The following SNX32 variants were observed in gnomAD, a reference collection of about 807,000 sequenced individuals.
The protein encoded by SNX32 is sorting nexin-32.
In SNX32, 58 loss-of-function variants were observed where a neutral mutation model predicts 57.0. The ratio of observed to expected loss-of-function variants is 1.02; its 90% CI spans 0.82 to 1.27. The LOEUF (loss-of-function observed/expected upper bound fraction) is 1.27. SNX32 is among the 50% of genes most tolerant of loss of function. The pLI, the probability that SNX32 is intolerant of heterozygous loss-of-function variation, is 0.00. For missense variants in SNX32, 589 were observed against 541.2 expected (o/e 1.09, Z -0.88); for synonymous variants, 262 against 220.4 (o/e 1.19, Z -1.67).
At chr11:65,846,850 G>A (rs1859011426) in intron 1 of SNX32, among the ~76,000 whole-genome samples, 1 of 152,034 alleles carries the variant, frequency 6.6e-6, no homozygotes, top group African/African-American at 2.4e-5. Context: ...GGGCGTGGTG[G>A]CGGGCGCCTG....
At chr11:65,852,106 T>G (rs1859218430) in intron 9 of SNX32, among the ~76,000 whole-genome samples, 1 of 152,160 alleles carries the variant, frequency 6.6e-6, no homozygotes, top group African/African-American at 2.4e-5. Context: ...CTGCCCCTTC[T>G]GGAAGCTCCT....
intron 1 of SNX32, among the ~76,000 whole-genome samples, chr11:65,840,053 G>A (rs1858799114): frequency 6.6e-6 from 1 of 152,040 alleles, no homozygotes; most frequent in Non-Finnish European, 1.5e-5. Flanking sequence ...TACTCAGGAG[G>A]CTGAGGTAGG....
chr11:65,853,214 A>G, intron 12 of SNX32, 68 bp from the exon 13 acceptor site: 1 of 1,604,718 alleles, frequency 6.2e-7, no homozygotes, highest in Non-Finnish European at 8.5e-7. Context: ...GGAGCATCTA[A>G]GGTGCAGAAA....
At position 65,851,160 on chromosome 11, in the gene SNX32, T is replaced by C. The variant is rs781638246; in HGVS notation, c.709T>C (p.Cys237Arg). The C allele has an allele frequency of 3.1e-6, 5 of 1,612,128 alleles. No homozygotes were observed. Among genetic ancestry groups the C allele is most frequent in the South Asian group, 2.2e-5 (2 of 91,080 alleles). ...RADRVMRAHK[C>R]LADDYIPISA... is the part of the protein sequence containing the mutation. ...CGACCGCGTCATGCGCGCCCACAAG[T>C]GTACGCAGGGCCCAAGGGGTCCTGG... is the stretch of plus-strand genomic sequence containing the variant. Residue 237 changes from cysteine to arginine, a missense_variant and splice_region_variant, in exon 7 of 13, where the codon TGC becomes CGC. Coordinates refer to ENST00000308342, the MANE Select transcript of SNX32 (RefSeq NM_152760.3).
intron 1 of SNX32, among the ~76,000 whole-genome samples, chr11:65,846,898 G>T (rs1019079108): frequency 8.6e-4 from 130 of 151,860 alleles, no homozygotes; most frequent in African/African-American, 3.0e-3. Context: ...CAGGAGAATC[G>T]CTGGAACCCG....
At chr11:65,842,949 CAAAAAAA>C (rs922615169) in intron 1 of SNX32, among the ~76,000 whole-genome samples, 12 of 41,244 alleles carry the variant, frequency 2.9e-4, no homozygotes, top group Middle Eastern at 0.019. Context: ...AACTCCATCT[CAAAAAAA>C]AAAAAAAAAA....
At chr11:65,842,192 A>C (rs1232984543) in intron 1 of SNX32, among the ~76,000 whole-genome samples, 1 of 152,242 alleles carries the variant, frequency 6.6e-6, no homozygotes, top group Non-Finnish European at 1.5e-5. Flanking sequence ...CCAATGGAAC[A>C]CAGTAGAGAG....
intron 1 of SNX32, among the ~76,000 whole-genome samples, chr11:65,839,880 CG>C (rs1315211588): frequency 6.6e-6 from 1 of 151,890 alleles, no homozygotes; most frequent in African/African-American, 2.4e-5. Context: ...TAACAAAGGC[CG>C]GGCGCGGTGG....
At chr11:65,849,704 C>A in intron 2 of SNX32, 122 bp downstream of exon 2, 1 of 926,786 alleles carries the variant, frequency 1.1e-6, no homozygotes. Flanking sequence ...GGCACTTGCC[C>A]TCAGCCCCTC....
intron 1 of SNX32, among the ~76,000 whole-genome samples, chr11:65,848,424 G>T (rs1050123860): frequency 1.4e-5 from 2 of 147,800 alleles, no homozygotes; most frequent in Admixed American, 6.8e-5. Flanking sequence ...AAAAAAAAAA[G>T]CTTGGCATGG....
At chr11:65,837,519 C>T (rs1445566003) in intron 1 of SNX32, among the ~76,000 whole-genome samples, 1 of 151,850 alleles carries the variant, frequency 6.6e-6, no homozygotes, top group African/African-American at 2.4e-5. Context: ...GTCTTTAAAA[C>T]AAAACAAAAC....
Position 65,853,391 on chromosome 11 carries a change from C to A in SNX32, c.*56C>A. The A allele has an allele frequency of 6.4e-7, 1 of 1,561,876 alleles. No individual in the cohort carries two copies. Among genetic ancestry groups the A allele is most frequent in the Non-Finnish European group, 8.8e-7 (1 of 1,133,304 alleles). ...GGGATCTCCAGTGACCAGGGTATCC[C>A]AGACCCCTCTCTCCGGCAAGATGTC... On this transcript the variant is annotated 3_prime_UTR_variant, in exon 13 of 13. Transcript: ENST00000308342.
chr11:65,839,216 TTTTTTTGTA>T (rs1279819929), intron 1 of SNX32, among the ~76,000 whole-genome samples: 2 of 18,642 alleles, frequency 1.1e-4, no homozygotes, highest in Non-Finnish European at 1.6e-4. Context: ...GCCCAGCTAA[TTTTTTTGTA>T]TTTTTTTTTT....
intron 1 of SNX32, among the ~76,000 whole-genome samples, chr11:65,845,289 T>C (rs1301622737): frequency 6.7e-5 from 10 of 148,720 alleles, no homozygotes; most frequent in Non-Finnish European, 1.5e-5. Context: ...AAATACAAAA[T>C]TAGCTGGGCG....
chr11:65,850,451 A>G lies in SNX32; in HGVS notation c.395A>G (p.Lys132Arg). ...CGCAGGGAGTACCTGGCCATCTTTAAGAAGACAGTTGCGATGCACGAAGTC... is the reference window on the plus strand; with the variant it reads ...CGCAGGGAGTACCTGGCCATCTTTAGGAAGACAGTTGCGATGCACGAAGTC... ...ELEAEYLAIF[K>R]KTVAMHEVFL... The change falls in exon 5 of 13, where the codon AAG (lysine) becomes AGG (arginine). Residue 132 changes from lysine to arginine, a missense_variant. By Grantham distance (26) the Lys-to-Arg change is conservative. Coordinates refer to ENST00000308342, the MANE Select transcript of SNX32 (RefSeq NM_152760.3). The G allele has an allele frequency of 3.1e-6, 5 of 1,614,172 alleles. No individual in the cohort carries two copies. The South Asian group carries it at 3.3e-5, about 11-fold the overall frequency.
Position 65,851,687 on chromosome 11 carries a change from C to A in SNX32, c.825+8C>A, listed in dbSNP as rs980780141. 6.2e-7 allele frequency: 1 copy of A among 1,613,974 alleles called. No homozygotes were observed. The highest frequency in any genetic ancestry group is 1.3e-5 in the African/African-American group (1 of 74,932). ...CTCTTTGAACGGCTGAGGGTGAGTACTGCCTTCTGTGCTCAAAGGCTTTCC... is the reference window on the plus strand; with the variant it reads ...CTCTTTGAACGGCTGAGGGTGAGTAATGCCTTCTGTGCTCAAAGGCTTTCC... On this transcript the variant is annotated splice_region_variant and intron_variant, in intron 9 of 12. Transcript: ENST00000308342.
In SNX32 at chr11:65,834,105, G is replaced by C; in HGVS notation, c.36+4G>C. On this transcript the variant is annotated splice_donor_region_variant and intron_variant, in intron 1 of 12. Transcript: ENST00000308342. The stretch of plus-strand genomic sequence containing the variant: ...GGAGGTTGGGAAGGAGGGCAAGGTA[G>C]AGAAAGGATGAAGACCCCCACCCCA... 3.2e-6 allele frequency: 5 copies of C among 1,551,440 alleles called. No individual in the cohort carries two copies. The Admixed American group carries it at 5.9e-5, about 18-fold the overall frequency.
chr11:65,849,372 G>A, intron 1 of SNX32, 106 bp from the exon 2 acceptor site: 1 of 819,946 alleles, frequency 1.2e-6, no homozygotes, highest in African/African-American at 1.7e-5. Context: ...CATTGCTGAA[G>A]CAGTGCTGCT....
chr11:65,852,761 C>T lies in SNX32; in HGVS notation c.1044C>T (p.Phe348=), dbSNP rs757579112. ...ESHQQLCCQR[F]ERLSDSAKQE... ...ACCAGCAGCTGTGCTGCCAACGCTT[C>T]GAGCGCCTCTCCGACTCCGCCAAGC... is the stretch of plus-strand genomic sequence containing the variant. Residue 348 remains phenylalanine (F), a synonymous_variant, in exon 11 of 13, where the codon TTC becomes TTT. Transcript: ENST00000308342. 5.6e-6 allele frequency: 9 copies of T among 1,608,946 alleles called. No individual in the cohort carries two copies. Among genetic ancestry groups the T allele is most frequent in the South Asian group, 2.2e-5 (2 of 90,896 alleles).
Sources: allele counts gnomAD v4.1 joint callset (sites outside exome capture counted in the v4.1 genomes callset), GRCh38; gene constraint gnomAD v4.1.1; transcripts MANE v1.5; gene names NCBI Gene and HGNC (gene_info 2026-07-23, HGNC 2026-07-21).